Variants in SHROOM2 observed in about 807,000 individuals in gnomAD.
SHROOM2 encodes shroom family member 2.
Under a neutral mutation model 75.9 loss-of-function variants are expected in SHROOM2, and 33 were observed. The observed-to-expected ratio is 0.43, with a 90% CI of 0.33 to 0.58. The LOEUF is 0.58. Among genes scored for constraint, SHROOM2 ranks in the 20% least tolerant of loss-of-function variants. The pLI, the probability that SHROOM2 is intolerant of heterozygous loss-of-function variation, is 0.04. For synonymous variants in SHROOM2, 655 were observed against 663.6 expected, an observed-to-expected ratio of 0.99 and a Z score of 0.20; for missense variants, 1,434 against 1,461.2, an observed-to-expected ratio of 0.98 and a Z score of 0.30.
intron 2 of SHROOM2, among the ~76,000 whole-genome samples, chrX:9,888,475 G>A (rs1176316167): frequency 9.0e-6 from 1 of 111,607 alleles, no homozygotes; most frequent in African/African-American, 3.3e-5. Context: ...ACAGGGTCTT[G>A]CTCTGTCCCC....
chrX:9,934,490 A>G (rs191840161), intron 6 of SHROOM2, among the ~76,000 whole-genome samples: 2 of 111,360 alleles, frequency 1.8e-5, no homozygotes, highest in African/African-American at 3.3e-5. Context: ...TAACATTGTA[A>G]GGTTCTGAAA....
At chrX:9,805,153 A>G (rs758801695) in intron 1 of SHROOM2, among the ~76,000 whole-genome samples, 4 of 110,789 alleles carry the variant, frequency 3.6e-5, no homozygotes, top group Admixed American at 9.7e-5. Context: ...GCTGAGGTAG[A>G]AGAATTGCTT....
chrX:9,898,665 C>G (rs1476704874), intron 5 of SHROOM2, among the ~76,000 whole-genome samples: 1 of 112,604 alleles, frequency 8.9e-6, no homozygotes, highest in Non-Finnish European at 1.9e-5. Flanking sequence ...GCAGCTTTAG[C>G]TATCTAGCAC....
intron 1 of SHROOM2, among the ~76,000 whole-genome samples, chrX:9,805,567 C>G (rs766539012): frequency 1.8e-5 from 2 of 110,668 alleles, no homozygotes; most frequent in South Asian, 7.6e-4. Context: ...GAAACCCTGT[C>G]TCTACTAAAG....
At chrX:9,815,809 T>C (rs2083818432) in intron 1 of SHROOM2, among the ~76,000 whole-genome samples, 1 of 110,821 alleles carries the variant, frequency 9.0e-6, no homozygotes, top group Non-Finnish European at 1.9e-5. Context: ...TCTTTCTGTC[T>C]GCTTAATATT....
chrX:9,848,521 A>AAAAAAAAAG (rs2084019806), intron 1 of SHROOM2, among the ~76,000 whole-genome samples: 1 of 100,986 alleles, frequency 9.9e-6, no homozygotes, highest in South Asian at 4.2e-4. Context: ...AAAAAAAAAA[A>AAAAAAAAAG]AAAAAAAAAA....
intron 1 of SHROOM2, among the ~76,000 whole-genome samples, chrX:9,866,395 C>T (rs1399439767): frequency 1.9e-5 from 2 of 106,951 alleles, no homozygotes; most frequent in African/African-American, 7.0e-5. Context: ...GCAGGTGTGA[C>T]TCATAGCCCT....
Position 9,944,778 on chromosome X carries a change from C to T in SHROOM2, c.4449C>T (p.Ser1483=), listed in dbSNP as rs780522172. 14 of 1,211,176 alleles carry T rather than the reference C, an allele frequency of 1.2e-5. No individual in the cohort carries two copies. The South Asian group carries it at 1.4e-4, about 12-fold the overall frequency. The part of the protein sequence containing the change: ...EAIVKGVCKP[S]EFDKFRMFIG... ...TCGTGAAAGGCGTCTGCAAGCCCAGCGAGTTTGACAAGTTCCGGATGTTCA... is the reference window on the plus strand; with the variant it reads ...TCGTGAAAGGCGTCTGCAAGCCCAGTGAGTTTGACAAGTTCCGGATGTTCA... The change falls in exon 9 of 10, where the codon AGC becomes AGT. Residue 1483 remains serine (S), a synonymous_variant. Coordinates refer to ENST00000380913, the MANE Select transcript of SHROOM2 (RefSeq NM_001649.4).
intron 5 of SHROOM2, among the ~76,000 whole-genome samples, chrX:9,915,245 A>G (rs1356850754): frequency 9.0e-6 from 1 of 111,374 alleles, no homozygotes; most frequent in Non-Finnish European, 1.9e-5. Context: ...GAAGCCAGGG[A>G]CTCAAATTTC....
chrX:9,897,567 A>G (rs1328650416), intron 4 of SHROOM2, among the ~76,000 whole-genome samples: 1 of 12,537 alleles, frequency 8.0e-5, no homozygotes, highest in Non-Finnish European at 1.8e-4. Context: ...AAAAAAAAAA[A>G]AAGAAAAAAA....
In SHROOM2 at chrX:9,808,819, G is replaced by A. The variant is rs753029663; in HGVS notation, c.165+22109G>A. Among the ~76,000 whole-genome samples the A allele has an allele frequency of 1.9e-4, 21 of 110,431 alleles. No homozygotes were observed. The East Asian group carries it at 2.3e-3, about 12-fold the overall frequency. The stretch of plus-strand genomic sequence containing the variant: ...GGAGGTTGCAGTGAGCCAAGTTCGC[G>A]CCATTGCACTCCAGCCTGGGGGACA... On this transcript the variant is annotated intron_variant, in intron 1 of 9. Transcript: ENST00000380913.
intron 1 of SHROOM2, among the ~76,000 whole-genome samples, chrX:9,825,618 G>A (rs1270756324): frequency 1.8e-5 from 2 of 112,082 alleles, no homozygotes; most frequent in Non-Finnish European, 3.8e-5. Flanking sequence ...CAGTCTGCAC[G>A]GCCCTTGGGA....
chrX:9,834,957 G>A (rs1346897720), intron 1 of SHROOM2, among the ~76,000 whole-genome samples: 1 of 112,726 alleles, frequency 8.9e-6, no homozygotes, highest in Non-Finnish European at 1.9e-5. Context: ...AACAGGTGGC[G>A]CTCCATCAGG....
intron 5 of SHROOM2, among the ~76,000 whole-genome samples, chrX:9,904,416 C>A (rs898993005): frequency 1.8e-5 from 2 of 111,972 alleles, no homozygotes; most frequent in African/African-American, 6.5e-5. Context: ...TGTACTCGCA[C>A]AGGATCCTTG....
chrX:9,864,615 G>A (rs1160257281), intron 1 of SHROOM2, among the ~76,000 whole-genome samples: 9 of 108,662 alleles, frequency 8.3e-5, no homozygotes, highest in African/African-American at 3.1e-4. Context: ...TCAGGAGATC[G>A]AGACCATCCC....
intron 1 of SHROOM2, among the ~76,000 whole-genome samples, chrX:9,834,904 G>A (rs755364163): frequency 4.5e-4 from 50 of 111,745 alleles, no homozygotes; most frequent in Admixed American, 1.2e-3. Flanking sequence ...GCTTTGTGCT[G>A]GCTTTGTTCT....
intron 1 of SHROOM2, among the ~76,000 whole-genome samples, chrX:9,813,483 C>T (rs1466565893): frequency 9.0e-6 from 1 of 111,464 alleles, no homozygotes; most frequent in Admixed American, 9.6e-5. Flanking sequence ...CCCCAATGCA[C>T]AGTTACCCTG....
intron 1 of SHROOM2, among the ~76,000 whole-genome samples, chrX:9,790,209 C>T (rs2083640029): frequency 9.0e-6 from 1 of 111,369 alleles, no homozygotes; most frequent in Non-Finnish European, 1.9e-5. Context: ...GTGGAGGCCC[C>T]GCGCCTCTGA....
intron 1 of SHROOM2, among the ~76,000 whole-genome samples, chrX:9,843,893 C>T (rs887585382): frequency 1.8e-5 from 2 of 112,577 alleles, no homozygotes; most frequent in African/African-American, 6.4e-5. Flanking sequence ...GCAAAGAAGA[C>T]CACAGACCAT....
Sources: gnomAD v4.1 joint callset for allele counts (sites outside exome capture counted in the v4.1 genomes callset) on GRCh38, gnomAD v4.1.1 for gene constraint, MANE v1.5 for transcripts, NCBI Gene and HGNC (gene_info 2026-07-23, HGNC 2026-07-21) for gene names.